The following CTNNA3 variants were observed in gnomAD, a reference collection of about 807,000 sequenced individuals.
CTNNA3 encodes catenin alpha 3, also known as catenin alpha-3.
CTNNA3 carries 76 observed loss-of-function variants against 95.7 expected under a neutral mutation model. That is an observed-to-expected ratio of 0.79 (90% confidence interval 0.66 to 0.96). The LOEUF is 0.96. Among genes scored for constraint, CTNNA3 ranks in the 40% least tolerant of loss-of-function variants. The pLI is 0.00. For missense variants in CTNNA3, 1,191 were observed against 1,089.8 expected, an observed-to-expected ratio of 1.09 and a Z score of -1.31; for synonymous variants, 431 against 374.4, an observed-to-expected ratio of 1.15 and a Z score of -1.74.
At chr10:66,233,159 C>CAA (rs56368191) in intron 13 of CTNNA3, among the ~76,000 whole-genome samples, 31 of 60,190 alleles carry the variant, frequency 5.2e-4, no homozygotes, top group African/African-American at 2.2e-3. Context: ...GACTCCACCT[C>CAA]AAAAAAAAAA....
intron 1 of CTNNA3, among the ~76,000 whole-genome samples, chr10:67,690,812 T>C (rs1486291700): frequency 1.3e-5 from 2 of 152,218 alleles, no homozygotes; most frequent in East Asian, 1.9e-4. Flanking sequence ...TGTACCAGAA[T>C]GTAAGTTAAT....
At chr10:66,376,311 C>G (rs2092796824) in intron 12 of CTNNA3, among the ~76,000 whole-genome samples, 1 of 151,962 alleles carries the variant, frequency 6.6e-6, no homozygotes, top group Non-Finnish European at 1.5e-5. Flanking sequence ...GGAGGAGGAG[C>G]TTAGTAACAG....
chr10:67,260,351 C>T (rs1457327491), intron 5 of CTNNA3, among the ~76,000 whole-genome samples: 1 of 152,212 alleles, frequency 6.6e-6, no homozygotes, highest in Non-Finnish European at 1.5e-5. Flanking sequence ...ATGACATTTG[C>T]TGTTCCTTTA....
intron 12 of CTNNA3, among the ~76,000 whole-genome samples, chr10:66,371,385 T>A (rs2092753087): frequency 6.6e-6 from 1 of 152,172 alleles, no homozygotes; most frequent in Admixed American, 6.6e-5. Flanking sequence ...CTATGGCATG[T>A]CTTCCCTGGA....
In CTNNA3 at chr10:66,867,320, G is replaced by A. The variant is rs114643727; in HGVS notation, c.1048-91796C>T. On this transcript the variant is annotated intron_variant, in intron 7 of 17. Transcript: ENST00000433211. ...GGTTTCTGTCCTGAGGTTCCACAGGGTGGACATGCTTTTATTTTGTTTCTA... is the reference window on the plus strand; with the variant it reads ...GGTTTCTGTCCTGAGGTTCCACAGGATGGACATGCTTTTATTTTGTTTCTA... Among the ~76,000 whole-genome samples, 1,182 of 152,250 alleles carry A rather than the reference G, an allele frequency of 7.8e-3. 16 individuals are homozygous for A. The highest frequency in any genetic ancestry group is 0.027 in the African/African-American group (1,102 of 41,532).
chr10:66,222,859 T>G (rs2089045374), intron 13 of CTNNA3, among the ~76,000 whole-genome samples: 1 of 152,146 alleles, frequency 6.6e-6, no homozygotes, highest in African/African-American at 2.4e-5. Flanking sequence ...AAAATAAAAC[T>G]AATTCTTTTC....
chr10:67,290,705 G>A (rs1839801760), intron 5 of CTNNA3, among the ~76,000 whole-genome samples: 1 of 152,096 alleles, frequency 6.6e-6, no homozygotes, highest in Admixed American at 6.6e-5. Flanking sequence ...TCTGACTCCA[G>A]AGCTTCCTCC....
chr10:66,444,646 G>A (rs1355233650), intron 11 of CTNNA3, among the ~76,000 whole-genome samples: 2 of 152,012 alleles, frequency 1.3e-5, no homozygotes, highest in East Asian at 3.9e-4. Flanking sequence ...TCACCACCAG[G>A]CCTGCCCTAA....
chr10:66,992,432 T>G (rs1391705094), intron 7 of CTNNA3, among the ~76,000 whole-genome samples: 3 of 152,102 alleles, frequency 2.0e-5, no homozygotes, highest in Non-Finnish European at 4.4e-5. Flanking sequence ...TTTCTCCTTC[T>G]TCTTGTTCCT....
intron 5 of CTNNA3, among the ~76,000 whole-genome samples, chr10:67,323,056 T>C (rs551902058): frequency 6.6e-6 from 1 of 152,314 alleles, no homozygotes; most frequent in Non-Finnish European, 1.5e-5. Flanking sequence ...TTGCCCACTT[T>C]TTAATGGGGT....
intron 11 of CTNNA3, among the ~76,000 whole-genome samples, chr10:66,519,281 C>G (rs936041695): frequency 6.6e-6 from 1 of 152,052 alleles, no homozygotes; most frequent in African/African-American, 2.4e-5. Flanking sequence ...GGATATTATT[C>G]TAATTTGTGA....
At chr10:66,498,514 G>A in intron 11 of CTNNA3, among the ~76,000 whole-genome samples, 1 of 152,048 alleles carries the variant, frequency 6.6e-6, no homozygotes, top group East Asian at 1.9e-4. Context: ...GTCAGCAAAT[G>A]TTTGAAAGAC....
At chr10:67,613,394 C>G (rs1197625171) in intron 2 of CTNNA3, among the ~76,000 whole-genome samples, 4 of 151,288 alleles carry the variant, frequency 2.6e-5, no homozygotes, top group Non-Finnish European at 5.9e-5. Flanking sequence ...AAGAATAAAA[C>G]CCTACATTTT....
chr10:67,307,184 C>A (rs892461447), intron 5 of CTNNA3, among the ~76,000 whole-genome samples: 2 of 152,070 alleles, frequency 1.3e-5, no homozygotes, highest in East Asian at 1.9e-4. Flanking sequence ...AAAAAAATAT[C>A]TTTTATTATG....
chr10:66,553,322 T>C (rs1842279262), intron 10 of CTNNA3, among the ~76,000 whole-genome samples: 1 of 151,466 alleles, frequency 6.6e-6, no homozygotes, highest in African/African-American at 2.4e-5. Flanking sequence ...TGGCATACAC[T>C]TTATACTCTA....
intron 1 of CTNNA3, among the ~76,000 whole-genome samples, chr10:67,720,565 C>T (rs1841174232): frequency 6.6e-6 from 1 of 152,070 alleles, no homozygotes; most frequent in African/African-American, 2.4e-5. Context: ...GACAAAATCT[C>T]TCAGCATTTG....
Position 66,741,919 on chromosome 10 carries a change from G to A in CTNNA3, c.1281+24345C>T, listed in dbSNP as rs549398381. On this transcript the variant is annotated intron_variant, in intron 9 of 17. Transcript: ENST00000433211. ...TCATAAGCTGAGGAGGATGTATGTC[G>A]CCTCAGGACCCTGTGATGATTGTGT... 6.7e-4 allele frequency among the ~76,000 whole-genome samples: 102 copies of A among 151,770 alleles called. 1 individual carries two copies. Among genetic ancestry groups the A allele is most frequent in the Non-Finnish European group, 8.2e-4 (56 of 67,928 alleles).
intron 7 of CTNNA3, among the ~76,000 whole-genome samples, chr10:66,876,032 C>T (rs1313970279): frequency 6.6e-6 from 1 of 152,050 alleles, no homozygotes. Context: ...GAGACCATGC[C>T]CTCAGTCTCT....
At chr10:66,905,798 C>T (rs1456327644) in intron 7 of CTNNA3, among the ~76,000 whole-genome samples, 1 of 152,104 alleles carries the variant, frequency 6.6e-6, no homozygotes. Context: ...GTCAAATTCA[C>T]AGAGAGTAAA....
Sources: allele counts gnomAD v4.1 joint callset (sites outside exome capture counted in the v4.1 genomes callset), GRCh38; gene constraint gnomAD v4.1.1; transcripts MANE v1.5; gene names NCBI Gene and HGNC (gene_info 2026-07-23, HGNC 2026-07-21).